The following ATP9A variants were observed in gnomAD, a reference collection of about 807,000 sequenced individuals.
ATP9A encodes ATPase phospholipid transporting 9A.
A neutral mutation model predicts 144.1 loss-of-function variants in ATP9A; 52 were observed. The ratio of observed to expected loss-of-function variants is 0.36; its 90% CI spans 0.29 to 0.45. The LOEUF is 0.45. ATP9A is among the 20% of genes least tolerant of loss of function. The pLI is 1.00. For missense variants in ATP9A, 947 were observed against 1,392.7 expected (o/e 0.68, Z 5.09); for synonymous variants, 582 against 557.4 (o/e 1.04, Z -0.62).
chr20:51,625,199 C>A lies in ATP9A; in HGVS notation c.2009G>T (p.Gly670Val). 6.2e-7 allele frequency: 1 copy of A among 1,611,624 alleles called. No homozygotes were observed. The stretch of plus-strand genomic sequence containing the variant: ...GCGGGCAGCCCGCCCTACCTTGATG[C>A]CAGCATTCCTCAGGGTCTCCAGCGT... ...RPTLETLRNA[G>V]IKVWMLTGDK... The change falls in exon 18 of 28, where the codon GGC becomes GTC. Residue 670 changes from glycine to valine, a missense_variant. Physicochemically the swap from Gly to Val is moderately radical, Grantham distance 109 (BLOSUM62 -3). Around this residue, in one of 2 missense-constraint regions of ATP9A, gnomAD observed 770 missense variants for 1,047.9 expected, o/e 0.73. Transcript: ENST00000338821.
chr20:51,758,372 C>CA (rs2077865181), intron 1 of ATP9A, among the ~76,000 whole-genome samples: 1 of 152,192 alleles, frequency 6.6e-6, no homozygotes, highest in South Asian at 2.1e-4. Flanking sequence ...CCAACCCCTC[C>CA]ACCCCTTCAA....
At chr20:51,605,263 G>C (rs1049921832) in intron 26 of ATP9A, among the ~76,000 whole-genome samples, 8 of 152,200 alleles carry the variant, frequency 5.3e-5, no homozygotes, top group Non-Finnish European at 1.0e-4. Context: ...AAGGAAGTAA[G>C]GCAGGGAGGG....
rs572412789 is a variant in ATP9A at position 51,756,705 on chromosome 20, G to A, written c.68+11597C>T. ...CTTTAAAGGCCCCCTGTCTCCAAAT[G>A]CAGTCACATTCTGAGGTGCTGGGGA... On this transcript the variant is annotated intron_variant, in intron 1 of 27. Coordinates refer to ENST00000338821, the MANE Select transcript of ATP9A (RefSeq NM_006045.3). Among the ~76,000 whole-genome samples, 13 of 152,290 alleles carry A rather than the reference G, an allele frequency of 8.5e-5. No individual in the cohort carries two copies. In the East Asian group the frequency reaches 1.2e-3, roughly 14 times the overall value.
At chr20:51,683,325 T>G (rs2122805159) in intron 9 of ATP9A, among the ~76,000 whole-genome samples, 1 of 151,862 alleles carries the variant, frequency 6.6e-6, no homozygotes, top group East Asian at 2.0e-4. Flanking sequence ...AGTGCAGTGG[T>G]GCTATCTCAG....
intron 6 of ATP9A, among the ~76,000 whole-genome samples, chr20:51,695,785 C>T (rs1200196952): frequency 2.0e-5 from 3 of 152,154 alleles, no homozygotes; most frequent in African/African-American, 7.2e-5. Context: ...GACACTTCCT[C>T]GTCCCAACTC....
chr20:51,644,507 T>C (rs1267616684), intron 14 of ATP9A, among the ~76,000 whole-genome samples: 2 of 151,916 alleles, frequency 1.3e-5, no homozygotes, highest in Non-Finnish European at 2.9e-5. Flanking sequence ...CCTGACCTCA[T>C]GATCTGCCCA....
chr20:51,700,100 A>G (rs188303931), intron 4 of ATP9A, among the ~76,000 whole-genome samples: 117 of 152,286 alleles, frequency 7.7e-4, no homozygotes, highest in African/African-American at 2.7e-3. Flanking sequence ...ATGTGATGCT[A>G]AACTCAATTC....
chr20:51,710,518 G>A (rs1191576692), intron 4 of ATP9A, among the ~76,000 whole-genome samples: 1 of 152,066 alleles, frequency 6.6e-6, no homozygotes, highest in Non-Finnish European at 1.5e-5. Context: ...TGCTACTCTG[G>A]CCCTCCCCCC....
intron 19 of ATP9A, 146 bp from the exon 20 acceptor site, chr20:51,619,189 A>C: frequency 4.7e-6 from 3 of 638,766 alleles, no homozygotes; most frequent in Non-Finnish European, 8.3e-6. Flanking sequence ...GCAGCACCAA[A>C]TGGAATCCTA....
At chr20:51,619,798 G>A (rs1417295103) in intron 19 of ATP9A, among the ~76,000 whole-genome samples, 1 of 151,398 alleles carries the variant, frequency 6.6e-6, no homozygotes, top group African/African-American at 2.4e-5. Context: ...GAACCTGGGA[G>A]GTGGAGGTTG....
At chr20:51,617,461 T>C (rs1360662853) in intron 22 of ATP9A, 29 bp downstream of exon 22, 4 of 1,597,370 alleles carry the variant, frequency 2.5e-6, no homozygotes, top group African/African-American at 2.7e-5. Context: ...CTACAGCAAG[T>C]GGAGCCGAGC....
At chr20:51,760,754 G>A (rs2122919905) in intron 1 of ATP9A, among the ~76,000 whole-genome samples, 1 of 143,394 alleles carries the variant, frequency 7.0e-6, no homozygotes, top group African/African-American at 2.6e-5. Flanking sequence ...GCCAGGTGCA[G>A]TGGCTCACGC....
chr20:51,758,426 C>T (rs2077865311), intron 1 of ATP9A, among the ~76,000 whole-genome samples: 1 of 152,192 alleles, frequency 6.6e-6, no homozygotes, highest in African/African-American at 2.4e-5. Flanking sequence ...TGACTTTCAA[C>T]ATTTCCATCT....
chr20:51,617,430 G>T, intron 22 of ATP9A, 60 bp downstream of exon 22: 1 of 1,521,964 alleles, frequency 6.6e-7, no homozygotes, highest in Non-Finnish European at 9.0e-7. Flanking sequence ...CTGTGTCTTT[G>T]AGGGAAAAAG....
intron 27 of ATP9A, among the ~76,000 whole-genome samples, chr20:51,601,913 A>G (rs1601048035): frequency 6.6e-6 from 1 of 151,212 alleles, no homozygotes; most frequent in African/African-American, 2.5e-5. Flanking sequence ...TCTCAAAAAA[A>G]AGAGAAAAAA....
At chr20:51,689,222 G>T in intron 8 of ATP9A, 83 bp from the exon 9 acceptor site, 1 of 1,395,140 alleles carries the variant, frequency 7.2e-7, no homozygotes, top group Non-Finnish European at 1.0e-6. Flanking sequence ...GTCCGCTGGA[G>T]ATAGAAAGAC....
At position 51,674,257 on chromosome 20, in the gene ATP9A, C is replaced by T. The variant is rs1297115894; in HGVS notation, c.933G>A (p.Leu311=). ...CAACCATGACCAGCGAGACCACCAC[C>T]AGGGCACCAAAGAGGATCTTGGTGA... The part of the protein sequence containing the change: ...NCLTKILFGA[L]VVVSLVMVAL... Residue 311 remains leucine, a synonymous_variant, in exon 11 of 28, where the codon CTG becomes CTA. Coordinates refer to ENST00000338821, the MANE Select transcript of ATP9A (RefSeq NM_006045.3). 1.2e-6 allele frequency: 2 copies of T among 1,613,886 alleles called. No homozygotes were observed. Among genetic ancestry groups the T allele is most frequent in the Admixed American group, 1.7e-5 (1 of 59,986 alleles).
chr20:51,734,568 C>A (rs2077755473), intron 1 of ATP9A: 1 of 152,198 alleles, frequency 6.6e-6, no homozygotes, highest in Admixed American at 6.6e-5. Flanking sequence ...CACAACCAGG[C>A]CCGAAAATGG....
chr20:51,669,061 C>A (rs1391313121), intron 13 of ATP9A, among the ~76,000 whole-genome samples: 1 of 152,142 alleles, frequency 6.6e-6, no homozygotes, highest in East Asian at 1.9e-4. Flanking sequence ...CTCTTGTTAT[C>A]TCCAAACAAG....
Sources: gnomAD v4.1 joint callset for allele counts (sites outside exome capture counted in the v4.1 genomes callset) on GRCh38, gnomAD v4.1.1 for gene constraint, gnomAD v4.1.1 regional missense constraint, MANE v1.5 for transcripts, NCBI Gene and HGNC (gene_info 2026-07-23, HGNC 2026-07-21) for gene names.